Variants in SHANK2 observed in about 807,000 individuals in gnomAD.
SHANK2 encodes SH3 and multiple ankyrin repeat domains protein 2.
Under a neutral mutation model 133.7 loss-of-function variants are expected in SHANK2, and 43 were observed. The observed-to-expected ratio is 0.32, with a 90% confidence interval of 0.25 to 0.41. The LOEUF is 0.41. SHANK2 is among the 10% of genes least tolerant of loss of function. The probability of loss-of-function intolerance (pLI) is 1.00; values close to 1 mark genes in which losing one functional copy is unlikely to be tolerated. For missense variants in SHANK2, 1,994 were observed against 2,235.8 expected, an observed-to-expected ratio of 0.89 and a Z score of 2.18; for synonymous variants, 1,017 against 952.8, an observed-to-expected ratio of 1.07 and a Z score of -1.24.
intron 17 of SHANK2, among the ~76,000 whole-genome samples, chr11:70,636,373 A>C (rs1438893244): frequency 1.7e-5 from 2 of 119,534 alleles, no homozygotes; most frequent in East Asian, 4.5e-4. Flanking sequence ...GTGTGTATGA[A>C]TGTGAGTCTG....
chr11:70,952,819 TG>T (rs1405397775), intron 10 of SHANK2: 1 of 417,126 alleles, frequency 2.4e-6, no homozygotes, highest in Non-Finnish European at 5.0e-6. Context: ...CTGCTTTCTG[TG>T]GCTGTGGGAA....
At chr11:71,136,443 G>A (rs143610859) in intron 3 of SHANK2, among the ~76,000 whole-genome samples, 10 of 152,338 alleles carry the variant, frequency 6.6e-5, no homozygotes, top group African/African-American at 2.4e-4. Flanking sequence ...AATAATGTGT[G>A]TGCAGGAATG....
intron 11 of SHANK2, among the ~76,000 whole-genome samples, chr11:70,858,858 G>C (rs150451391): frequency 6.6e-6 from 1 of 152,164 alleles, no homozygotes; most frequent in African/African-American, 2.4e-5. Flanking sequence ...CCTACTGCAG[G>C]GTCTTGGCCA....
intron 6 of SHANK2, among the ~76,000 whole-genome samples, chr11:71,107,196 C>T (rs1209235020): frequency 4.6e-5 from 7 of 152,176 alleles, no homozygotes; most frequent in South Asian, 2.1e-4. Context: ...AACCTCTATG[C>T]GTGGTCACCA....
At chr11:70,725,614 G>A (rs571248429) in intron 14 of SHANK2, among the ~76,000 whole-genome samples, 11 of 152,280 alleles carry the variant, frequency 7.2e-5, no homozygotes, top group East Asian at 5.8e-4. Context: ...CCCCAATACC[G>A]CACGATCCCA....
At chr11:71,211,238 A>G (rs1247978384) in intron 2 of SHANK2, among the ~76,000 whole-genome samples, 4 of 146,532 alleles carry the variant, frequency 2.7e-5, no homozygotes, top group Non-Finnish European at 6.0e-5. Context: ...AGATTTTAAA[A>G]TTTACACATC....
intron 17 of SHANK2, among the ~76,000 whole-genome samples, chr11:70,630,238 G>T (rs1164315593): frequency 3.3e-5 from 5 of 152,228 alleles, no homozygotes; most frequent in Non-Finnish European, 5.9e-5. Context: ...GTGCCCTGAG[G>T]CCAGACGGCA....
At chr11:70,546,290 G>A (rs1420745842) in intron 17 of SHANK2, among the ~76,000 whole-genome samples, 2 of 151,862 alleles carry the variant, frequency 1.3e-5, no homozygotes, top group Non-Finnish European at 2.9e-5. Context: ...ATTGGCCAAT[G>A]GCAATTGAGC....
chr11:70,661,919 G>A, intron 15 of SHANK2: 1 of 1,013,308 alleles, frequency 9.9e-7, no homozygotes, highest in Non-Finnish European at 1.5e-6. Context: ...GGCAGAGCCG[G>A]AGCCAGCCGG....
chr11:70,755,832 G>C (rs1555038760), intron 14 of SHANK2, among the ~76,000 whole-genome samples: 1 of 152,248 alleles, frequency 6.6e-6, no homozygotes, highest in Non-Finnish European at 1.5e-5. Context: ...TCCCAGTGCT[G>C]GGGCCATCGT....
intron 14 of SHANK2, among the ~76,000 whole-genome samples, chr11:70,731,461 A>G (rs1220585257): frequency 2.6e-5 from 4 of 152,074 alleles, no homozygotes; most frequent in Non-Finnish European, 5.9e-5. Context: ...GTTTCTACGG[A>G]TTTGCTAATT....
intron 11 of SHANK2, among the ~76,000 whole-genome samples, chr11:70,823,720 T>C (rs1451387732): frequency 7.0e-5 from 5 of 71,556 alleles, no homozygotes; most frequent in African/African-American, 1.7e-4. Context: ...GTGGTGTTAG[T>C]AGAGCTCATG....
At chr11:70,665,380 A>T (rs557085098) in intron 15 of SHANK2, among the ~76,000 whole-genome samples, 1 of 122,242 alleles carries the variant, frequency 8.2e-6, no homozygotes, top group African/African-American at 3.1e-5. Context: ...GCCTCAAGGG[A>T]TGCTCCCTTC....
intron 24 of SHANK2, chr11:70,488,998 A>T (rs1390662653): frequency 5.6e-6 from 2 of 355,814 alleles, no homozygotes; most frequent in Non-Finnish European, 1.1e-5. Flanking sequence ...GACGCGTGGC[A>T]CAGGGATTTC....
intron 15 of SHANK2, among the ~76,000 whole-genome samples, chr11:70,674,410 A>C (rs1479722151): frequency 6.6e-6 from 1 of 151,146 alleles, no homozygotes; most frequent in Non-Finnish European, 1.5e-5. Context: ...CCAGCTTGGC[A>C]TGATCTTGGC....
intron 14 of SHANK2, among the ~76,000 whole-genome samples, chr11:70,784,364 T>TTTTTTTTTTTG (rs1947598792): frequency 7.5e-6 from 1 of 133,482 alleles, no homozygotes; most frequent in Admixed American, 7.2e-5. Context: ...TTTTTTTTTT[T>TTTTTTTTTTTG]TTTTTTTTTT....
At chr11:70,533,565 G>A (rs782798437) in intron 17 of SHANK2, among the ~76,000 whole-genome samples, 9 of 152,174 alleles carry the variant, frequency 5.9e-5, no homozygotes, top group Non-Finnish European at 7.3e-5. Context: ...TCCCTCTGCC[G>A]CAGCCATGCT....
At chr11:70,952,191 C>T (rs530076118) in intron 10 of SHANK2, among the ~76,000 whole-genome samples, 7 of 152,184 alleles carry the variant, frequency 4.6e-5, no homozygotes, top group African/African-American at 9.7e-5. Flanking sequence ...CCTGCTGTGC[C>T]GTCTGGCCAG....
intron 15 of SHANK2, among the ~76,000 whole-genome samples, chr11:70,673,444 A>T (rs537857130): frequency 6.6e-6 from 1 of 152,268 alleles, no homozygotes; most frequent in East Asian, 1.9e-4. Flanking sequence ...GCCCACAAAG[A>T]CCATGCTGGC....
Sources: allele counts gnomAD v4.1 joint callset (sites outside exome capture counted in the v4.1 genomes callset), GRCh38; gene constraint gnomAD v4.1.1; transcripts MANE v1.5; gene names NCBI Gene and HGNC (gene_info 2026-07-23, HGNC 2026-07-21).